The following PCDHA5 variants were observed in gnomAD, a reference collection of about 807,000 sequenced individuals.
PCDHA5 encodes the protein protocadherin alpha-5.
A neutral mutation model predicts 61.6 loss-of-function variants in PCDHA5; 43 were observed. That is an observed-to-expected ratio of 0.70 (90% CI 0.55 to 0.90). The LOEUF is 0.90. PCDHA5 is among the 40% of genes least tolerant of loss of function. PCDHA5 has a pLI of 0.00. For missense variants in PCDHA5, 1,298 were observed against 1,222.7 expected, an observed-to-expected ratio of 1.06 and a Z score of -0.92; for synonymous variants, 627 against 543.9, an observed-to-expected ratio of 1.15 and a Z score of -2.13.
chr5:140,836,417 G>A (rs2150260300), intron 1 of PCDHA5: 22 of 1,613,704 alleles, frequency 1.4e-5, no homozygotes, highest in African/African-American at 1.1e-4. Context: ...CACCAAAGGC[G>A]TCGTCGCGGG....
chr5:140,950,526 T>C (rs190195358), intron 1 of PCDHA5, among the ~76,000 whole-genome samples: 17 of 152,212 alleles, frequency 1.1e-4, no homozygotes, highest in Admixed American at 9.2e-4. Flanking sequence ...GATATGATTG[T>C]TTTTGTTGCT....
intron 1 of PCDHA5, chr5:140,868,478 AT>A (rs1444050987): frequency 1.3e-5 from 2 of 152,364 alleles, no homozygotes; most frequent in Non-Finnish European, 2.9e-5. Flanking sequence ...TAAAACTTCA[AT>A]TTTTTCTTTG....
At chr5:140,888,128 T>C (rs1365856723) in intron 1 of PCDHA5, among the ~76,000 whole-genome samples, 1 of 152,248 alleles carries the variant, frequency 6.6e-6, no homozygotes, top group Non-Finnish European at 1.5e-5. Flanking sequence ...TCTATGGATA[T>C]ATTTTCTTGC....
rs2150119288 is a variant in PCDHA5, at chr5:140,822,774, T to C, written c.999T>C (p.Cys333=). ...DKSTFPLSGH[C]KVVVKLLDVN... Reference sequence around the variant, plus strand: ...GTACATTCCCATTATCAGGACACTGTAAAGTAGTAGTGAAACTCCTGGATG... The same window carrying C: ...GTACATTCCCATTATCAGGACACTGCAAAGTAGTAGTGAAACTCCTGGATG... The change falls in exon 1 of 4, where the codon TGT becomes TGC. Residue 333 remains cysteine, a synonymous_variant. Transcript: ENST00000529859. 1.2e-6 allele frequency: 2 copies of C among 1,614,014 alleles called. No individual in the cohort carries two copies. The highest frequency in any genetic ancestry group is 1.7e-6 in the Non-Finnish European group (2 of 1,179,900).
chr5:140,974,832 T>C (rs114216401), intron 1 of PCDHA5, among the ~76,000 whole-genome samples: 60 of 152,346 alleles, frequency 3.9e-4, no homozygotes, highest in African/African-American at 1.4e-3. Context: ...ATAATGATTA[T>C]TTTAAATGTT....
Position 140,821,661 on chromosome 5 carries a change from C to A in PCDHA5, c.-115C>A. 8.3e-7 allele frequency: 1 copy of A among 1,207,804 alleles called. No individual in the cohort carries two copies. Among genetic ancestry groups the A allele is most frequent in the Non-Finnish European group, 1.2e-6 (1 of 868,192 alleles). 74.8% of individuals were successfully genotyped at this position (1,207,804 alleles called of 1,614,324 possible). A position where few individuals can be genotyped will look rare whatever the true frequency, so the allele number is the denominator to read the frequency against. On this transcript the variant is annotated 5_prime_UTR_variant, in exon 1 of 4. Transcript: ENST00000529859. Reference sequence around the variant, plus strand: ...AAAGAACCTTCCATTTTTGGCTGTGCCAAGAAGCTCAGAAAGGCGATAATA... The same window carrying A: ...AAAGAACCTTCCATTTTTGGCTGTGACAAGAAGCTCAGAAAGGCGATAATA...
At chr5:140,826,236 TTATA>T (rs1420933804) in intron 1 of PCDHA5, among the ~76,000 whole-genome samples, 3 of 152,218 alleles carry the variant, frequency 2.0e-5, no homozygotes, top group Non-Finnish European at 4.4e-5. Context: ...TATAAACTAT[TTATA>T]TATCTCTTTA....
At chr5:140,946,611 A>AATATAT (rs1554217734) in intron 1 of PCDHA5, among the ~76,000 whole-genome samples, 1,127 of 86,766 alleles carry the variant, frequency 0.013, 130 homozygotes, top group African/African-American at 0.067. Flanking sequence ...GAAAATGTGA[A>AATATAT]ATATATATAT....
In PCDHA5 at chr5:140,855,864, G is replaced by T. The variant is rs2043653105; in HGVS notation, c.2352+31737G>T. On this transcript the variant is annotated intron_variant, in intron 1 of 3. Transcript: ENST00000529859. ...CCTAAAGCCACCGGATGTCGCTGTC[G>T]TCCACAAAATAGCTTTTTAGAACAA... 4 of 775,774 alleles carry T rather than the reference G, an allele frequency of 5.2e-6. No individual in the cohort carries two copies. The East Asian group carries it at 8.1e-5, about 16-fold the overall frequency. The allele number at this position is 775,774 out of a possible 1,614,324, so 48.1% of individuals were successfully genotyped here. A position where few individuals can be genotyped will look rare whatever the true frequency, so the allele number is the denominator to read the frequency against.
chr5:140,832,284 T>C (rs1771894843), intron 1 of PCDHA5, among the ~76,000 whole-genome samples: 1 of 152,202 alleles, frequency 6.6e-6, no homozygotes, highest in Non-Finnish European at 1.5e-5. Context: ...TAAGCATGAA[T>C]GGTGTATTTG....
Position 140,843,849 on chromosome 5 carries a change from T to G in PCDHA5, c.2352+19722T>G. 2 of 972,226 alleles carry G rather than the reference T, an allele frequency of 2.1e-6. 1 individual carries two copies. Among genetic ancestry groups the G allele is most frequent in the South Asian group, 3.4e-5 (2 of 58,960 alleles). 60.2% of individuals were successfully genotyped at this position (972,226 alleles called of 1,614,324 possible). ...ACATTGTTTAGTTTTTAGAAACCTTTTATAATTAATTGAATTTTCTCAGTG... is the reference window on the plus strand; with the variant it reads ...ACATTGTTTAGTTTTTAGAAACCTTGTATAATTAATTGAATTTTCTCAGTG... On this transcript the variant is annotated intron_variant, in intron 1 of 3. Transcript: ENST00000529859.
In PCDHA5 at chr5:140,892,541, T is replaced by G. The variant is rs192378744; in HGVS notation, c.2352+68414T>G. Among the ~76,000 whole-genome samples, 3 of 152,250 alleles carry G rather than the reference T, an allele frequency of 2.0e-5. 1 individual carries two copies. The highest frequency in any genetic ancestry group is 7.2e-5 in the African/African-American group (3 of 41,464). ...CTGGTAGACTCAGGATTCTGACTTT[T>G]GTTTCTCTAGTCCTTGGAGACTGTC... On this transcript the variant is annotated intron_variant, in intron 1 of 3. Transcript: ENST00000529859.
intron 2 of PCDHA5, 71 bp downstream of exon 2, chr5:140,979,078 A>C (rs2240296): frequency 3.8e-6 from 6 of 1,583,342 alleles, no homozygotes; most frequent in South Asian, 1.1e-5. Flanking sequence ...CTGCATCTCC[A>C]TAGGCCAGAA....
intron 3 of PCDHA5, among the ~76,000 whole-genome samples, chr5:140,987,362 A>G (rs1490856237): frequency 6.6e-6 from 1 of 152,208 alleles, no homozygotes; most frequent in Non-Finnish European, 1.5e-5. Flanking sequence ...AGGTTGTCTT[A>G]TATCATTACA....
In PCDHA5 at chr5:140,875,437, C is replaced by CTGAT. The variant is rs782126939; in HGVS notation, c.2352+51313_2352+51316dup. The stretch of plus-strand genomic sequence containing the variant: ...ACCTCAGGCAAGCGATCCCTTAAAA[C>CTGAT]TGATTGTCCCAACTCAGAGGCCCTC... On this transcript the variant is annotated intron_variant, in intron 1 of 3. Transcript: ENST00000529859. 4 of 1,565,778 alleles carry CTGAT rather than the reference C, an allele frequency of 2.6e-6. No homozygotes were observed. In the South Asian group the frequency reaches 3.6e-5, roughly 14 times the overall value.
rs558900138 is a variant in PCDHA5, at chr5:140,898,510, C to T, written c.2352+74383C>T. On this transcript the variant is annotated intron_variant, in intron 1 of 3. Coordinates refer to ENST00000529859, the MANE Select transcript of PCDHA5 (RefSeq NM_018908.3). ...AGATCAGATAGTTGTAGATATGCGG[C>T]GTTATTTCTGAGGGCTCTGTTCTGT... Among the ~76,000 whole-genome samples, 9 of 152,196 alleles carry T rather than the reference C, an allele frequency of 5.9e-5. No homozygotes were observed. In the South Asian group the frequency reaches 6.2e-4, roughly 11 times the overall value.
chr5:140,886,127 C>T (rs1308479455), intron 1 of PCDHA5, among the ~76,000 whole-genome samples: 5 of 152,172 alleles, frequency 3.3e-5, no homozygotes, highest in African/African-American at 1.2e-4. Flanking sequence ...AGTTCCGTAA[C>T]AACCAGATTC....
At chr5:140,871,427 T>G (rs782140666) in intron 1 of PCDHA5, 3 of 1,613,326 alleles carry the variant, frequency 1.9e-6, no homozygotes, top group Non-Finnish European at 2.5e-6. Context: ...AGCCCCAGTC[T>G]TCCTCTAGGT....
At chr5:141,009,529 T>G in intron 3 of PCDHA5, 98 bp from the exon 4 acceptor site, 1 of 1,505,630 alleles carries the variant, frequency 6.6e-7, no homozygotes, top group Non-Finnish European at 8.9e-7. Context: ...TCTGGGGAGG[T>G]TCAGCCTGCC....
Sources: gnomAD v4.1 joint callset for allele counts (sites outside exome capture counted in the v4.1 genomes callset) on GRCh38, gnomAD v4.1.1 for gene constraint, MANE v1.5 for transcripts, NCBI Gene and HGNC (gene_info 2026-07-23, HGNC 2026-07-21) for gene names.